The following CACNG3 variants were observed in gnomAD, a reference collection of about 807,000 sequenced individuals.
The protein encoded by CACNG3 is calcium voltage-gated channel auxiliary subunit gamma 3.
In CACNG3, 3 loss-of-function variants were observed where a neutral mutation model predicts 28.5. That is an observed-to-expected ratio of 0.11 (90% confidence interval 0.05 to 0.27). The LOEUF is 0.27. Among genes scored for constraint, CACNG3 ranks in the 10% least tolerant of loss-of-function variants. The pLI is 1.00. For missense variants in CACNG3, 236 were observed against 414.4 expected (o/e 0.57, Z 3.74); for synonymous variants, 174 against 162.2 (o/e 1.07, Z -0.55).
At chr16:24,320,636 T>C (rs1225304957) in intron 1 of CACNG3, among the ~76,000 whole-genome samples, 1 of 152,230 alleles carries the variant, frequency 6.6e-6, no homozygotes, top group Non-Finnish European at 1.5e-5. Flanking sequence ...TGTTCTGTGC[T>C]TCACTTTCCT....
At chr16:24,289,443 A>G (rs1017298213) in intron 1 of CACNG3, among the ~76,000 whole-genome samples, 10 of 152,372 alleles carry the variant, frequency 6.6e-5, no homozygotes, top group African/African-American at 2.2e-4. Flanking sequence ...TGAAATGCTA[A>G]AACTTTCAAG....
intron 1 of CACNG3, among the ~76,000 whole-genome samples, chr16:24,317,632 C>CAGAA (rs199703490): frequency 1.9e-5 from 1 of 52,812 alleles, no homozygotes. Context: ...GAAAGACAGA[C>CAGAA]AGAAAGAAAG....
At chr16:24,322,088 A>G (rs1385535926) in intron 1 of CACNG3, among the ~76,000 whole-genome samples, 5 of 152,260 alleles carry the variant, frequency 3.3e-5, no homozygotes, top group Non-Finnish European at 4.4e-5. Context: ...AGCTAATTCA[A>G]TGGGGGAACC....
intron 1 of CACNG3, among the ~76,000 whole-genome samples, chr16:24,284,631 T>C (rs1224643440): frequency 3.9e-5 from 6 of 152,218 alleles, no homozygotes; most frequent in Admixed American, 6.5e-5. Context: ...TTCTTGGGTT[T>C]CTTAATGTAT....
intron 1 of CACNG3, among the ~76,000 whole-genome samples, chr16:24,278,053 A>G (rs1898775799): frequency 6.6e-6 from 1 of 152,146 alleles, no homozygotes; most frequent in Admixed American, 6.5e-5. Context: ...CCCAGGTAGA[A>G]ACAGATTTTT....
At chr16:24,353,325 C>A (rs1899983045) in intron 2 of CACNG3, among the ~76,000 whole-genome samples, 1 of 152,216 alleles carries the variant, frequency 6.6e-6, no homozygotes, top group South Asian at 2.1e-4. Context: ...TGCCGCTGGT[C>A]CTGCCTGTCA....
chr16:24,300,545 T>C (rs1899094251), intron 1 of CACNG3, among the ~76,000 whole-genome samples: 1 of 150,652 alleles, frequency 6.6e-6, no homozygotes, highest in South Asian at 2.1e-4. Context: ...CCAACCAAAA[T>C]ACATCCTCTG....
At chr16:24,324,168 A>G (rs546928511) in intron 1 of CACNG3, among the ~76,000 whole-genome samples, 2 of 152,342 alleles carry the variant, frequency 1.3e-5, no homozygotes, top group East Asian at 3.9e-4. Flanking sequence ...GTGTATAAAA[A>G]GCTGAAGTTC....
intron 1 of CACNG3, among the ~76,000 whole-genome samples, chr16:24,298,398 C>T: frequency 6.6e-6 from 1 of 152,216 alleles, no homozygotes; most frequent in South Asian, 2.1e-4. Context: ...GAAAACCACA[C>T]ACACACACAT....
chr16:24,283,959 T>C (rs1898862466), intron 1 of CACNG3, among the ~76,000 whole-genome samples: 1 of 152,222 alleles, frequency 6.6e-6, no homozygotes, highest in Non-Finnish European at 1.5e-5. Context: ...CAATGTCCAC[T>C]TAACTAAGAA....
chr16:24,359,307 A>G (rs1900076131), intron 3 of CACNG3, among the ~76,000 whole-genome samples: 1 of 152,140 alleles, frequency 6.6e-6, no homozygotes, highest in South Asian at 2.1e-4. Context: ...ATATAAAAGA[A>G]TATGTCTTCC....
At chr16:24,339,121 T>C (rs1899748018) in intron 1 of CACNG3, among the ~76,000 whole-genome samples, 2 of 152,212 alleles carry the variant, frequency 1.3e-5, no homozygotes, top group Admixed American at 1.3e-4. Context: ...CTCCATACTG[T>C]TTTAATTCTC....
At chr16:24,269,194 C>G (rs998597951) in intron 1 of CACNG3, among the ~76,000 whole-genome samples, 4 of 152,158 alleles carry the variant, frequency 2.6e-5, no homozygotes, top group African/African-American at 4.8e-5. Context: ...AAAAAACTAT[C>G]CGCCACAACT....
intron 3 of CACNG3, 83 bp downstream of exon 3, chr16:24,355,056 G>A: frequency 1.5e-6 from 2 of 1,370,684 alleles, no homozygotes; most frequent in Non-Finnish European, 2.0e-6. Context: ...TGCTACTCAG[G>A]GCTCCCTCCA....
chr16:24,350,316 C>CT (rs111389260), intron 2 of CACNG3, among the ~76,000 whole-genome samples: 5,693 of 142,938 alleles, frequency 0.04, 281 homozygotes, highest in African/African-American at 0.12. Context: ...CAAACATAAA[C>CT]TTTTTTTTTT....
intron 1 of CACNG3, among the ~76,000 whole-genome samples, chr16:24,339,298 G>T (rs146849969): frequency 5.2e-4 from 79 of 152,008 alleles, no homozygotes; most frequent in African/African-American, 1.8e-3. Context: ...TTTATTGTAT[G>T]GCTTAATATC....
At chr16:24,358,233 T>C (rs922814252) in intron 3 of CACNG3, among the ~76,000 whole-genome samples, 4 of 152,264 alleles carry the variant, frequency 2.6e-5, no homozygotes, top group Non-Finnish European at 1.5e-5. Flanking sequence ...TGTCAGATAC[T>C]ATGCAGAATG....
At chr16:24,311,183 C>T (rs549682070) in intron 1 of CACNG3, among the ~76,000 whole-genome samples, 1 of 152,152 alleles carries the variant, frequency 6.6e-6, no homozygotes, top group African/African-American at 2.4e-5. Context: ...TGTTAATATC[C>T]CATGGGGTTA....
intron 1 of CACNG3, among the ~76,000 whole-genome samples, chr16:24,268,655 T>C (rs1279278581): frequency 2.0e-5 from 3 of 152,108 alleles, no homozygotes; most frequent in Admixed American, 2.0e-4. Flanking sequence ...CAAATGTAAA[T>C]TTTTCTTTAA....
Sources: gnomAD v4.1 joint callset for allele counts (sites outside exome capture counted in the v4.1 genomes callset) on GRCh38, gnomAD v4.1.1 for gene constraint, MANE v1.5 for transcripts, NCBI Gene and HGNC (gene_info 2026-07-23, HGNC 2026-07-21) for gene names.